TIMM21: variants seen among roughly 807,000 people sequenced by gnomAD.
TIMM21 encodes translocase of inner mitochondrial membrane 21.
Under a neutral mutation model 27.7 loss-of-function variants are expected in TIMM21, and 30 were observed. The ratio of observed to expected loss-of-function variants is 1.08; its 90% CI spans 0.81 to 1.47. The LOEUF (loss-of-function observed/expected upper bound fraction) is 1.47, where lower values mean the gene tolerates loss of function less well. Ranked by LOEUF, TIMM21 falls within the 40% of genes most tolerant of loss-of-function variation. TIMM21 has a pLI of 0.00. For missense variants in TIMM21, 292 were observed against 302.9 expected (o/e 0.96, Z 0.27); for synonymous variants, 121 against 114.4 (o/e 1.06, Z -0.37).
At chr18:74,154,304 C>A (rs1483028165) in intron 1 of TIMM21, among the ~76,000 whole-genome samples, 1 of 150,074 alleles carries the variant, frequency 6.7e-6, no homozygotes, top group Admixed American at 6.6e-5. Flanking sequence ...CTCTTTCGCC[C>A]AGGCCGTAGT....
chr18:74,154,256 C>T (rs1195374688), intron 1 of TIMM21, among the ~76,000 whole-genome samples: 1 of 152,078 alleles, frequency 6.6e-6, no homozygotes, highest in Non-Finnish European at 1.5e-5. Flanking sequence ...TATATTCTGT[C>T]CCCTGACACT....
At chr18:74,156,494 G>A (rs1013270135) in intron 3 of TIMM21, 19 of 390,490 alleles carry the variant, frequency 4.9e-5, no homozygotes, top group African/African-American at 3.7e-4. Context: ...GGTAACCATG[G>A]AGAAAGGCAG....
chr18:74,159,185 C>T lies in TIMM21; in HGVS notation c.*705C>T, dbSNP rs946732398. ...GAAGGCAGCCATGAAGTGCCCTCAT[C>T]CCCTTTAGAACTTACTTGCACTGAT... On this transcript the variant is annotated 3_prime_UTR_variant, in exon 6 of 6. Transcript: ENST00000169551. 1 of 151,392 alleles carries T rather than the reference C, an allele frequency of 6.6e-6. No homozygotes were observed. Among genetic ancestry groups the T allele is most frequent in the East Asian group, 1.9e-4 (1 of 5,166 alleles). The allele number at this position is 151,392 out of a possible 1,614,324, so 9.4% of individuals were successfully genotyped here. A position where few individuals can be genotyped will look rare whatever the true frequency, so the allele number is the denominator to read the frequency against.
At chr18:74,154,126 GA>G (rs552377121) in intron 1 of TIMM21, among the ~76,000 whole-genome samples, 61 of 152,340 alleles carry the variant, frequency 4.0e-4, no homozygotes, top group African/African-American at 1.4e-3. Flanking sequence ...AGGCAGGAAT[GA>G]AATGTTGGGA....
intron 3 of TIMM21, among the ~76,000 whole-genome samples, chr18:74,156,076 C>T (rs548292342): frequency 1.3e-5 from 2 of 152,322 alleles, no homozygotes; most frequent in South Asian, 4.1e-4. Context: ...TTAGATGTGA[C>T]CTTCCAGTCA....
In TIMM21 at chr18:74,159,556, T is replaced by C. The variant is rs1405375833; in HGVS notation, c.*1076T>C. ...AGGATAGAGAGACCTCCAGGCAATC[T>C]ATCTCCCCTTTTTACTTTATCTCCC... On this transcript the variant is annotated 3_prime_UTR_variant, in exon 6 of 6. Transcript: ENST00000169551. The C allele has an allele frequency of 6.6e-6, 1 of 152,154 alleles. No individual in the cohort carries two copies. Among genetic ancestry groups the C allele is most frequent in the Non-Finnish European group, 1.5e-5 (1 of 68,030 alleles). 9.4% of individuals were successfully genotyped at this position (152,154 alleles called of 1,614,324 possible). A position where few individuals can be genotyped will look rare whatever the true frequency, so the allele number is the denominator to read the frequency against.
In TIMM21 at chr18:74,160,300, C is replaced by T. The variant is rs1019900256; in HGVS notation, c.*1820C>T. On this transcript the variant is annotated 3_prime_UTR_variant, in exon 6 of 6. Coordinates refer to ENST00000169551, the MANE Select transcript of TIMM21 (RefSeq NM_014177.3). ...TGTCACTGCACTCCAGCATGAGTGA[C>T]GGAGTGTGACTTCGTCTCAAAAAAA... The T allele has an allele frequency of 6.8e-5, 10 of 147,710 alleles. No homozygotes were observed. Among genetic ancestry groups the T allele is most frequent in the Non-Finnish European group, 1.2e-4 (8 of 67,626 alleles). The allele number at this position is 147,710 out of a possible 1,614,324, so 9.1% of individuals were successfully genotyped here.
intron 1 of TIMM21, among the ~76,000 whole-genome samples, chr18:74,150,279 T>G (rs764331133): frequency 5.3e-5 from 8 of 152,208 alleles, no homozygotes; most frequent in Non-Finnish European, 1.0e-4. Flanking sequence ...ATTATTCAAA[T>G]AAAACTTTCT....
In TIMM21 at chr18:74,148,567, C is replaced by G. The variant is rs919458598; in HGVS notation, c.-242C>G. The G allele has an allele frequency of 7.2e-6, 3 of 415,352 alleles. No homozygotes were observed. Among genetic ancestry groups the G allele is most frequent in the Non-Finnish European group, 1.3e-5 (3 of 229,134 alleles). 25.7% of individuals were successfully genotyped at this position (415,352 alleles called of 1,614,324 possible). On this transcript the variant is annotated 5_prime_UTR_variant, in exon 1 of 6. Coordinates refer to ENST00000169551, the MANE Select transcript of TIMM21 (RefSeq NM_014177.3). ...TGGCGGGGACACTGTGAATGTCAGC[C>G]CAGAAGGTGATCAGAGCCTGTTAAT...
chr18:74,158,240 AG>A lies in TIMM21; in HGVS notation c.609del (p.Lys204SerfsTer9). 2.5e-6 allele frequency: 4 copies of A among 1,614,242 alleles called. No individual in the cohort carries two copies. The South Asian group carries it at 4.4e-5, about 18-fold the overall frequency. On this transcript the variant is annotated frameshift_variant, in exon 5 of 6. Coordinates refer to ENST00000169551, the MANE Select transcript of TIMM21 (RefSeq NM_014177.3). LOFTEE classifies it low-confidence loss of function (END_TRUNC). ...VKFYIEGSEP[G>X]KQGTVYAQVK... ...AATTCTACATTGAGGGCTCTGAGCC[AG>A]GGAAGCAAGGAACGGTGTATGCGCA... is the stretch of plus-strand genomic sequence containing the variant.
At chr18:74,155,031 A>C in intron 1 of TIMM21, 114 bp from the exon 2 acceptor site, 2 of 947,038 alleles carry the variant, frequency 2.1e-6, no homozygotes, top group Non-Finnish European at 3.4e-6. Flanking sequence ...ACACACACAG[A>C]CCCCTTGCTT....
At chr18:74,157,515 TTTAAA>T (rs1228056438) in intron 3 of TIMM21, 2 of 154,564 alleles carry the variant, frequency 1.3e-5, no homozygotes, top group African/African-American at 4.8e-5. Context: ...GAAATATTTG[TTTAAA>T]TTATTTATGG....
At chr18:74,155,525 A>C in intron 3 of TIMM21, 122 bp downstream of exon 3, 1 of 771,578 alleles carries the variant, frequency 1.3e-6, no homozygotes, top group Non-Finnish European at 2.1e-6. Context: ...ATAATACATA[A>C]TGGTCGAGTC....
At chr18:74,154,248 T>A (rs919698633) in intron 1 of TIMM21, among the ~76,000 whole-genome samples, 2 of 152,196 alleles carry the variant, frequency 1.3e-5, no homozygotes, top group African/African-American at 4.8e-5. Flanking sequence ...CATATGTATA[T>A]ATTCTGTCCC....
intron 1 of TIMM21, among the ~76,000 whole-genome samples, 153 bp downstream of exon 1, chr18:74,149,262 A>T (rs78627612): frequency 4.6e-5 from 7 of 152,348 alleles, no homozygotes; most frequent in Non-Finnish European, 8.8e-5. Context: ...GAACATATAG[A>T]TCTACAGTTT....
Position 74,149,488 on chromosome 18 carries a change from T to C in TIMM21, c.301+379T>C, listed in dbSNP as rs946183414. Among the ~76,000 whole-genome samples the C allele has an allele frequency of 5.3e-5, 8 of 151,928 alleles. No homozygotes were observed. The South Asian group carries it at 8.3e-4, about 16-fold the overall frequency. ...CCTGCAGTAATAGAAAAACATAAAA[T>C]AGGGAGGATGGAATGTAAGTTGTCA... On this transcript the variant is annotated intron_variant, in intron 1 of 5. Coordinates refer to ENST00000169551, the MANE Select transcript of TIMM21 (RefSeq NM_014177.3).
At position 74,152,749 on chromosome 18, in the gene TIMM21, G is replaced by A. The variant is rs1333294416; in HGVS notation, c.302-2396G>A. 6.6e-6 allele frequency among the ~76,000 whole-genome samples: 1 copy of A among 152,230 alleles called. No homozygotes were observed. Among genetic ancestry groups the A allele is most frequent in the Non-Finnish European group, 1.5e-5 (1 of 68,042 alleles). ...TTGTAGGTTGGCTTCCCAGGGAAGT[G>A]GGATTTGCGTAAGGTTTATCAGGGA... is the stretch of plus-strand genomic sequence containing the variant. On this transcript the variant is annotated intron_variant, in intron 1 of 5. Transcript: ENST00000169551. The surrounding 1 kb of genome is among the most constrained non-coding windows in gnomAD (Gnocchi z 4.1).
At chr18:74,150,672 G>A (rs1310723173) in intron 1 of TIMM21, among the ~76,000 whole-genome samples, 1 of 152,178 alleles carries the variant, frequency 6.6e-6, no homozygotes, top group Admixed American at 6.5e-5. Context: ...CCCCTGTAAA[G>A]TTACCATTTG....
In TIMM21 at chr18:74,158,903, G is replaced by A; in HGVS notation, c.*423G>A. The A allele has an allele frequency of 5.6e-6, 1 of 179,328 alleles. No individual in the cohort carries two copies. The highest frequency in any genetic ancestry group is 1.2e-5 in the Non-Finnish European group (1 of 86,136). The allele number at this position is 179,328 out of a possible 1,614,324, so 11.1% of individuals were successfully genotyped here. On this transcript the variant is annotated 3_prime_UTR_variant, in exon 6 of 6. Transcript: ENST00000169551. ...TACTTTGGAATCTGACTTGAGATAAGCATGTGAAAATGGTTGAGGGCCATA... is the reference window on the plus strand; with the variant it reads ...TACTTTGGAATCTGACTTGAGATAAACATGTGAAAATGGTTGAGGGCCATA...
Sources: gnomAD v4.1 joint callset for allele counts (sites outside exome capture counted in the v4.1 genomes callset) on GRCh38, gnomAD v4.1.1 for gene constraint, Gnocchi (gnomAD v3.1) non-coding constraint, MANE v1.5 for transcripts, NCBI Gene and HGNC (gene_info 2026-07-23, HGNC 2026-07-21) for gene names.